Variants in RTF2 observed in about 807,000 individuals in gnomAD.
The protein encoded by RTF2 is UPF0549 protein C20orf43.
RTF2 carries 18 observed loss-of-function variants against 38.0 expected under a neutral mutation model. The observed-to-expected ratio is 0.47, with a 90% CI of 0.33 to 0.70. RTF2 has a LOEUF of 0.70. Ranked by LOEUF, RTF2 falls within the 30% of genes least tolerant of loss-of-function variation. The pLI is 0.02. For synonymous variants in RTF2, 126 were observed against 137.1 expected, an observed-to-expected ratio of 0.92 and a Z score of 0.57; for missense variants, 311 against 379.6, an observed-to-expected ratio of 0.82 and a Z score of 1.50.
chr20:56,484,724 G>C (rs966645921), intron 5 of RTF2, among the ~76,000 whole-genome samples: 1 of 152,252 alleles, frequency 6.6e-6, no homozygotes. Context: ...CGAGTAACTA[G>C]ACATGAGAGC....
At chr20:56,483,792 T>C (rs1214919227) in intron 4 of RTF2, among the ~76,000 whole-genome samples, 1 of 152,242 alleles carries the variant, frequency 6.6e-6, no homozygotes, top group Non-Finnish European at 1.5e-5. Context: ...TAGTGTTGAC[T>C]ATTGCTGTAT....
chr20:56,492,677 TCTTG>T (rs1363993830), intron 5 of RTF2, among the ~76,000 whole-genome samples: 2 of 152,014 alleles, frequency 1.3e-5, no homozygotes, highest in African/African-American at 4.8e-5. Context: ...CTCTTTCTGC[TCTTG>T]CTTTTAATTC....
intron 5 of RTF2, among the ~76,000 whole-genome samples, chr20:56,486,878 A>T (rs1038161885): frequency 6.6e-6 from 1 of 152,090 alleles, no homozygotes. Context: ...CCATACTGAG[A>T]TGAGTGGCAG....
intron 5 of RTF2, among the ~76,000 whole-genome samples, chr20:56,501,057 A>G (rs985807300): frequency 3.9e-5 from 6 of 152,206 alleles, no homozygotes; most frequent in African/African-American, 1.2e-4. Context: ...AATACACACA[A>G]TGTATCAGCA....
chr20:56,512,845 C>G (rs141253375), intron 5 of RTF2, among the ~76,000 whole-genome samples: 267 of 152,270 alleles, frequency 1.8e-3, no homozygotes, highest in African/African-American at 6.2e-3. Flanking sequence ...CCCCCCGCAA[C>G]GAAACTGCAA....
intron 5 of RTF2, among the ~76,000 whole-genome samples, chr20:56,491,167 T>C (rs772340925): frequency 3.9e-5 from 6 of 152,206 alleles, no homozygotes; most frequent in Non-Finnish European, 7.3e-5. Flanking sequence ...ATATTTTCAT[T>C]TTCACTGGGA....
chr20:56,501,781 T>A (rs1261544176), intron 5 of RTF2, among the ~76,000 whole-genome samples: 2 of 152,140 alleles, frequency 1.3e-5, no homozygotes, highest in Non-Finnish European at 2.9e-5. Flanking sequence ...GGTGGGAGGA[T>A]CATTTGAGCC....
intron 5 of RTF2, among the ~76,000 whole-genome samples, chr20:56,506,909 C>G (rs1415833032): frequency 6.6e-6 from 1 of 152,092 alleles, no homozygotes; most frequent in Non-Finnish European, 1.5e-5. Flanking sequence ...ACCATGTTAG[C>G]CAGGATGGTC....
chr20:56,484,340 T>G, intron 5 of RTF2, 151 bp downstream of exon 5: 1 of 669,638 alleles, frequency 1.5e-6, no homozygotes, highest in Non-Finnish European at 2.6e-6. Context: ...AAGTGCAGAA[T>G]CCACTGGCCT....
At chr20:56,494,295 A>C (rs1983364100) in intron 5 of RTF2, among the ~76,000 whole-genome samples, 1 of 152,112 alleles carries the variant, frequency 6.6e-6, no homozygotes, top group Admixed American at 6.5e-5. Context: ...ATTTATACTA[A>C]CTAGGGTTTT....
intron 5 of RTF2, among the ~76,000 whole-genome samples, chr20:56,510,837 G>A (rs7347460): frequency 1.4e-4 from 22 of 152,286 alleles, no homozygotes; most frequent in African/African-American, 5.3e-4. Flanking sequence ...CTACTCAGGA[G>A]GATGAGGTAG....
In RTF2 at chr20:56,477,060, G is replaced by A. The variant is rs369021413; in HGVS notation, c.334G>A (p.Asp112Asn). The A allele has an allele frequency of 3.7e-6, 6 of 1,614,000 alleles. No homozygotes were observed. The highest frequency in any genetic ancestry group is 1.6e-4 in the Middle Eastern group (1 of 6,084). ...DKGNTKGDKH[D>N]DLQRARFICP... Reference sequence around the variant, plus strand: ...AGGAAACACTAAAGGTGACAAGCACGATGACCTCCAGCGGGCGCGTTTCAT... The same window carrying A: ...AGGAAACACTAAAGGTGACAAGCACAATGACCTCCAGCGGGCGCGTTTCAT... Residue 112 changes from aspartate (D) to asparagine (N), a missense_variant, in exon 4 of 9, where the codon GAT becomes AAT. Physicochemically the swap from Asp to Asn is conservative, Grantham distance 23. Transcript: ENST00000357348.
intron 5 of RTF2, among the ~76,000 whole-genome samples, chr20:56,499,624 A>G (rs747212004): frequency 6.6e-5 from 10 of 152,200 alleles, no homozygotes; most frequent in East Asian, 1.9e-4. Flanking sequence ...TACTTCTCCT[A>G]TAAGAATTTT....
intron 5 of RTF2, among the ~76,000 whole-genome samples, chr20:56,502,855 G>A (rs551115315): frequency 6.6e-6 from 1 of 152,266 alleles, no homozygotes; most frequent in East Asian, 1.9e-4. Flanking sequence ...CTTTGAATCA[G>A]GGCCCCAGTG....
intron 5 of RTF2, among the ~76,000 whole-genome samples, chr20:56,500,157 C>T (rs556933217): frequency 2.0e-5 from 3 of 152,002 alleles, no homozygotes; most frequent in African/African-American, 4.8e-5. Context: ...TGGGTTCGAG[C>T]GATTCTCTGG....
intron 4 of RTF2, among the ~76,000 whole-genome samples, chr20:56,477,871 G>A (rs1982337087): frequency 6.6e-6 from 1 of 152,176 alleles, no homozygotes; most frequent in Non-Finnish European, 1.5e-5. Context: ...GTCAACCAAA[G>A]GCTCAAAAAC....
At chr20:56,508,408 C>T (rs956728564) in intron 5 of RTF2, among the ~76,000 whole-genome samples, 1 of 152,176 alleles carries the variant, frequency 6.6e-6, no homozygotes, top group Non-Finnish European at 1.5e-5. Context: ...GTTAAAATTA[C>T]TGTTCCAGTT....
In RTF2 at chr20:56,472,381, A is replaced by C. The variant is rs1275585746; in HGVS notation, c.70-920A>C. 3.9e-6 allele frequency: 6 copies of C among 1,547,874 alleles called. No individual in the cohort carries two copies. The South Asian group carries it at 7.1e-5, about 18-fold the overall frequency. On this transcript the variant is annotated intron_variant, in intron 1 of 8. Coordinates refer to ENST00000357348, the MANE Select transcript of RTF2 (RefSeq NM_016407.5). ...TGCAGTCTACACAGTGAAGGAAAAAACAAGAACGGGAAGGAGTGGGACATG... is the reference window on the plus strand; with the variant it reads ...TGCAGTCTACACAGTGAAGGAAAAACCAAGAACGGGAAGGAGTGGGACATG...
At chr20:56,508,162 C>G (rs1984404595) in intron 5 of RTF2, among the ~76,000 whole-genome samples, 1 of 152,156 alleles carries the variant, frequency 6.6e-6, no homozygotes, top group African/African-American at 2.4e-5. Flanking sequence ...CTGATCTTAA[C>G]CTGAAAATCA....
Sources: allele counts gnomAD v4.1 joint callset (sites outside exome capture counted in the v4.1 genomes callset), GRCh38; gene constraint gnomAD v4.1.1; transcripts MANE v1.5; gene names NCBI Gene and HGNC (gene_info 2026-07-23, HGNC 2026-07-21).